Variants in ZCWPW1 observed in about 807,000 individuals in gnomAD.
The protein encoded by ZCWPW1 is zinc finger CW-type and PWWP domain containing 1.
A neutral mutation model predicts 81.3 loss-of-function variants in ZCWPW1; 56 were observed. The ratio of observed to expected loss-of-function variants is 0.69; its 90% CI spans 0.56 to 0.86. The LOEUF (loss-of-function observed/expected upper bound fraction) is 0.86. ZCWPW1 is among the 40% of genes least tolerant of loss of function. The probability of loss-of-function intolerance (pLI) is 0.00; values close to 1 mark genes in which losing one functional copy is unlikely to be tolerated. For synonymous variants in ZCWPW1, 250 were observed against 273.7 expected (o/e 0.91, Z 0.86); for missense variants, 650 against 769.8 (o/e 0.84, Z 1.84).
intron 11 of ZCWPW1, among the ~76,000 whole-genome samples, 183 bp downstream of exon 11, chr7:100,407,045 A>T (rs1793158198): frequency 6.6e-6 from 1 of 152,216 alleles, no homozygotes; most frequent in Non-Finnish European, 1.5e-5. Flanking sequence ...ATATTTAATT[A>T]GATACAAGTT....
In ZCWPW1 at chr7:100,417,162, A is replaced by C; in HGVS notation, c.383T>G (p.Phe128Cys). 1 of 1,614,090 alleles carries C rather than the reference A, an allele frequency of 6.2e-7. No homozygotes were observed. Among genetic ancestry groups the C allele is most frequent in the Non-Finnish European group, 8.5e-7 (1 of 1,180,014 alleles). Reference sequence around the variant, plus strand: ...GGGCTGGGCACAAGAAGTCTCTGCAAAATCAAGGCCAGATCCCATCCCTCC... The same window carrying C: ...GGGCTGGGCACAAGAAGTCTCTGCACAATCAAGGCCAGATCCCATCCCTCC... ...ECLGMGSGLD[F>C]AETSCAQPVV... The change falls in exon 6 of 18, where the codon TTT (phenylalanine) becomes TGT (cysteine). Residue 128 changes from phenylalanine to cysteine, a missense_variant. Physicochemically the swap from Phe to Cys is radical, Grantham distance 205. Transcript: ENST00000684423.
chr7:100,411,083 CTATT>C (rs753680675), intron 8 of ZCWPW1, among the ~76,000 whole-genome samples: 14 of 152,138 alleles, frequency 9.2e-5, no homozygotes, highest in Non-Finnish European at 1.6e-4. Context: ...TATATATTCA[CTATT>C]TATTTATCAA....
chr7:100,427,361 G>A (rs569330458), intron 1 of ZCWPW1, among the ~76,000 whole-genome samples: 5 of 150,566 alleles, frequency 3.3e-5, no homozygotes, highest in African/African-American at 1.2e-4. Context: ...TCAGGAGTTC[G>A]GGACCAGCCT....
Position 100,419,792 on chromosome 7 carries a change from C to G in ZCWPW1, c.120G>C (p.Glu40Asp). The change falls in exon 4 of 18, where the codon GAG (glutamate) becomes GAC (aspartate). Residue 40 changes from glutamate (E) to aspartate (D), a missense_variant. Physicochemically the swap from Glu to Asp is conservative, Grantham distance 45. Coordinates refer to ENST00000684423, the MANE Select transcript of ZCWPW1 (RefSeq NM_001386010.1). Reference sequence around the variant, plus strand: ...TCTCTGGGGAACTGATCCCCGGGGTCTCCTCCTTAGGGGAGTTAGGGCTAC... The same window carrying G: ...TCTCTGGGGAACTGATCCCCGGGGTGTCCTCCTTAGGGGAGTTAGGGCTAC... ...LPCSPNSPKE[E>D]TPGISSPETE... 1 of 1,613,970 alleles carries G rather than the reference C, an allele frequency of 6.2e-7. No homozygotes were observed. The highest frequency in any genetic ancestry group is 2.2e-5 in the East Asian group (1 of 44,880).
In ZCWPW1 at chr7:100,419,749, G is replaced by C; in HGVS notation, c.163C>G (p.Leu55Val). 1 of 1,614,082 alleles carries C rather than the reference G, an allele frequency of 6.2e-7. No individual in the cohort carries two copies. The highest frequency in any genetic ancestry group is 8.5e-7 in the Non-Finnish European group (1 of 1,180,032). The change falls in exon 4 of 18, where the codon CTG (leucine) becomes GTG (valine). Residue 55 changes from leucine to valine, a missense_variant. Leu to Val is a conservative substitution (Grantham distance 32). Coordinates refer to ENST00000684423, the MANE Select transcript of ZCWPW1 (RefSeq NM_001386010.1). ...SSPETEARIS[L>V]PKASLKKKEE... is the part of the protein sequence containing the mutation. ...TTCTTCTTTAAACTGGCCTTTGGCA[G>C]GCTTATCCTGGCCTCTGTCTCTGGG... is the stretch of plus-strand genomic sequence containing the variant.
At chr7:100,415,231 T>C (rs566182903) in intron 8 of ZCWPW1, among the ~76,000 whole-genome samples, 1 of 151,636 alleles carries the variant, frequency 6.6e-6, no homozygotes, top group African/African-American at 2.4e-5. Flanking sequence ...TACAGGCGCA[T>C]GCCACCATAC....
chr7:100,409,361 G>C, intron 9 of ZCWPW1, 67 bp downstream of exon 9: 1 of 1,247,204 alleles, frequency 8.0e-7, no homozygotes, highest in Middle Eastern at 1.9e-4. Flanking sequence ...TAATCTAAAG[G>C]ATAAGTGCAG....
At position 100,419,871 on chromosome 7, in the gene ZCWPW1, C is replaced by A; in HGVS notation, c.41G>T (p.Gly14Val). The change falls in exon 4 of 18, where the codon GGA becomes GTA. Residue 14 changes from glycine to valine, a missense_variant. By Grantham distance (109) the Gly-to-Val change is moderately radical. Transcript: ENST00000684423. ...TLQNKEECGK[G>V]PKRIFAPPAQ... The stretch of plus-strand genomic sequence containing the variant: ...AGGTGGGGCAAAGATTCTCTTTGGT[C>A]CCTTTCCACATTCTGAAAGAAATGT... 6.4e-7 allele frequency: 1 copy of A among 1,571,986 alleles called. No individual in the cohort carries two copies.
chr7:100,424,479 T>C (rs1796948689), intron 2 of ZCWPW1, among the ~76,000 whole-genome samples: 1 of 152,150 alleles, frequency 6.6e-6, no homozygotes, highest in South Asian at 2.1e-4. Context: ...ATTATTTTTT[T>C]TGAGACACAG....
chr7:100,411,118 G>A (rs764452548), intron 8 of ZCWPW1, among the ~76,000 whole-genome samples: 4 of 152,080 alleles, frequency 2.6e-5, no homozygotes, highest in Non-Finnish European at 5.9e-5. Flanking sequence ...TCTCCAGTAA[G>A]TTCACTCTCT....
chr7:100,402,227 C>A (rs1217365422), intron 16 of ZCWPW1, 186 bp from the exon 17 acceptor site: 6 of 803,244 alleles, frequency 7.5e-6, no homozygotes, highest in Non-Finnish European at 1.2e-5. Flanking sequence ...TTTCTTTTAT[C>A]CCCTGGATCT....
intron 15 of ZCWPW1, among the ~76,000 whole-genome samples, chr7:100,403,289 C>T (rs889986620): frequency 6.6e-5 from 10 of 151,390 alleles, no homozygotes; most frequent in Non-Finnish European, 1.3e-4. Flanking sequence ...GATCTTGCCT[C>T]ACTGCAAGTT....
chr7:100,427,431 G>A (rs1202815331), intron 1 of ZCWPW1, among the ~76,000 whole-genome samples: 2 of 151,628 alleles, frequency 1.3e-5, no homozygotes, highest in Admixed American at 6.6e-5. Flanking sequence ...CGAGCACGGT[G>A]GCGCGTGCCT....
chr7:100,419,197 G>C lies in ZCWPW1; in HGVS notation c.283-8C>G. 1 of 1,611,958 alleles carries C rather than the reference G, an allele frequency of 6.2e-7. No individual in the cohort carries two copies. Among genetic ancestry groups the C allele is most frequent in the East Asian group, 2.2e-5 (1 of 44,766 alleles). Reference sequence around the variant, plus strand: ...GGTAAGACTTGATTTTTCCTGCAGAGACAAGGGTAGGGGAGGAAAACCACT... The same window carrying C: ...GGTAAGACTTGATTTTTCCTGCAGACACAAGGGTAGGGGAGGAAAACCACT... On this transcript the variant is annotated splice_polypyrimidine_tract_variant and splice_region_variant and intron_variant, in intron 4 of 17. Transcript: ENST00000684423.
intron 2 of ZCWPW1, among the ~76,000 whole-genome samples, chr7:100,424,684 T>A (rs1332024669): frequency 1.3e-5 from 2 of 152,044 alleles, no homozygotes; most frequent in Non-Finnish European, 2.9e-5. Flanking sequence ...ATAGTCTCAA[T>A]CTCCTGACCT....
rs1798224811 is a variant in ZCWPW1, at chr7:100,428,619, C to T, written c.-188G>A. ...CCCACTGTCACCCCTGCCGCCCTGT[C>T]CTCGGCCCAGCACTCCGCTGGCAGG... On this transcript the variant is annotated 5_prime_UTR_variant, in exon 1 of 18. Transcript: ENST00000684423. 1 of 152,600 alleles carries T rather than the reference C, an allele frequency of 6.6e-6. No homozygotes were observed. The highest frequency in any genetic ancestry group is 1.5e-5 in the Non-Finnish European group (1 of 68,198). The allele number at this position is 152,600 out of a possible 1,614,324, so 9.5% of individuals were successfully genotyped here. A position where few individuals can be genotyped will look rare whatever the true frequency, so the allele number is the denominator to read the frequency against.
At chr7:100,407,750 C>G (rs746386219) in intron 10 of ZCWPW1, among the ~76,000 whole-genome samples, 8 of 152,114 alleles carry the variant, frequency 5.3e-5, no homozygotes, top group Non-Finnish European at 7.4e-5. Flanking sequence ...CATCATCCCC[C>G]TCTAGTGGTC....
At chr7:100,402,645 AT>A (rs1416533440) in intron 15 of ZCWPW1, 69 bp from the exon 16 acceptor site, 12 of 1,476,264 alleles carry the variant, frequency 8.1e-6, no homozygotes, top group Non-Finnish European at 1.1e-5. Flanking sequence ...ATAGAGAAGG[AT>A]GCTACAGAAT....
At chr7:100,411,055 C>CA (rs1475370003) in intron 8 of ZCWPW1, among the ~76,000 whole-genome samples, 5 of 152,178 alleles carry the variant, frequency 3.3e-5, no homozygotes, top group African/African-American at 1.2e-4. Flanking sequence ...AATCACATAA[C>CA]AGACACATAG....
Sources: gnomAD v4.1 joint callset for allele counts (sites outside exome capture counted in the v4.1 genomes callset) on GRCh38, gnomAD v4.1.1 for gene constraint, MANE v1.5 for transcripts, NCBI Gene and HGNC (gene_info 2026-07-23, HGNC 2026-07-21) for gene names.